Variants in PRLR observed in about 807,000 individuals in gnomAD.
PRLR encodes hPRL receptor.
In PRLR, 13 loss-of-function variants were observed where a neutral mutation model predicts 40.2. The ratio of observed to expected loss-of-function variants is 0.32; its 90% CI spans 0.21 to 0.51. PRLR has a LOEUF of 0.51. Among genes scored for constraint, PRLR ranks in the 20% least tolerant of loss-of-function variants. The pLI is 0.97. For missense variants in PRLR, 656 were observed against 747.3 expected (o/e 0.88, Z 1.42); for synonymous variants, 269 against 278.7 (o/e 0.97, Z 0.35).
rs1775063140 is a variant in PRLR, at chr5:35,173,738, G to A, written c.-105-55616C>T. Among the ~76,000 whole-genome samples, 3 of 152,266 alleles carry A rather than the reference G, an allele frequency of 2.0e-5. 1 individual carries two copies. The South Asian group carries it at 6.2e-4, about 32-fold the overall frequency. On this transcript the variant is annotated intron_variant, in intron 1 of 9. Transcript: ENST00000618457. ...GAAAGACACACTGATGCTTCAGTAAGCAAACTGTGAAATGAATGTGAAAGA... is the reference window on the plus strand; with the variant it reads ...GAAAGACACACTGATGCTTCAGTAAACAAACTGTGAAATGAATGTGAAAGA...
At chr5:35,072,152 C>T (rs1769787785) in intron 6 of PRLR, among the ~76,000 whole-genome samples, 2 of 152,144 alleles carry the variant, frequency 1.3e-5, no homozygotes, top group African/African-American at 4.8e-5. Flanking sequence ...CCTGTCTCGG[C>T]CTCCCAAAGT....
intron 1 of PRLR, among the ~76,000 whole-genome samples, chr5:35,118,464 T>C (rs1316897934): frequency 1.3e-5 from 2 of 152,214 alleles, no homozygotes; most frequent in African/African-American, 2.4e-5. Flanking sequence ...TCATGATGCA[T>C]GTTTACCCCT....
intron 1 of PRLR, among the ~76,000 whole-genome samples, chr5:35,153,669 C>A (rs151215005): frequency 6.6e-6 from 1 of 151,854 alleles, no homozygotes; most frequent in Admixed American, 6.6e-5. Flanking sequence ...TTCTGAGTGT[C>A]GTTTCCCATT....
chr5:35,217,729 T>A (rs1213789760), intron 1 of PRLR, among the ~76,000 whole-genome samples: 1 of 152,222 alleles, frequency 6.6e-6, no homozygotes, highest in Non-Finnish European at 1.5e-5. Context: ...TGCATAAAAA[T>A]AAATAAAAAT....
At chr5:35,174,872 G>A (rs1048762946) in intron 1 of PRLR, among the ~76,000 whole-genome samples, 5 of 152,140 alleles carry the variant, frequency 3.3e-5, no homozygotes, top group Admixed American at 6.5e-5. Context: ...GCTCTACTTG[G>A]ACCAACTCCT....
Position 35,086,244 on chromosome 5 carries a change from A to G in PRLR, c.167T>C (p.Leu56Pro). The change falls in exon 4 of 10, where the codon CTT becomes CCT. Residue 56 changes from leucine to proline, a missense_variant. Around this residue, in one of 3 missense-constraint regions of PRLR, gnomAD observed 180 missense variants for 236.8 expected, o/e 0.76. Transcript: ENST00000618457. ...CWWRPGTDGG[L>P]PTNYSLTYHR... ...GTAAGTCAGTGAATAATTGGTAGGA[A>G]GTCCTCCATCTGTCCCAGGCCTCCA... 6.2e-7 allele frequency: 1 copy of G among 1,614,032 alleles called. No homozygotes were observed. Among genetic ancestry groups the G allele is most frequent in the South Asian group, 1.1e-5 (1 of 91,074 alleles).
At chr5:35,075,253 G>A (rs1039776141) in intron 5 of PRLR, among the ~76,000 whole-genome samples, 2 of 152,184 alleles carry the variant, frequency 1.3e-5, no homozygotes, top group African/African-American at 4.8e-5. Flanking sequence ...GTCTCACCCG[G>A]GAAGTGCAAG....
At chr5:35,093,151 A>G (rs1303564296) in intron 2 of PRLR, among the ~76,000 whole-genome samples, 3 of 152,164 alleles carry the variant, frequency 2.0e-5, no homozygotes, top group African/African-American at 7.2e-5. Context: ...TGTGCTTTTG[A>G]GAAACTAGAG....
At chr5:35,114,605 G>A (rs1772896404) in intron 2 of PRLR, among the ~76,000 whole-genome samples, 1 of 152,202 alleles carries the variant, frequency 6.6e-6, no homozygotes, top group Admixed American at 6.5e-5. Flanking sequence ...ATTGCTCTAA[G>A]TGGGCTCCGG....
rs547332286 is a variant in PRLR, at chr5:35,064,871, A to G, written c.*218T>C. ...CATTGAACACATAGTTTTATAACTAACAGCAAAAAGTAAATCTACAAATCA... is the reference window on the plus strand; with the variant it reads ...CATTGAACACATAGTTTTATAACTAGCAGCAAAAAGTAAATCTACAAATCA... On this transcript the variant is annotated 3_prime_UTR_variant, in exon 10 of 10. Transcript: ENST00000618457. 3 of 578,048 alleles carry G rather than the reference A, an allele frequency of 5.2e-6. No homozygotes were observed. Among genetic ancestry groups the G allele is most frequent in the Non-Finnish European group, 8.9e-6 (3 of 335,904 alleles). The allele number at this position is 578,048 out of a possible 1,614,324, so 35.8% of individuals were successfully genotyped here.
At chr5:35,099,851 A>G (rs1483858438) in intron 2 of PRLR, among the ~76,000 whole-genome samples, 1 of 152,208 alleles carries the variant, frequency 6.6e-6, no homozygotes, top group Non-Finnish European at 1.5e-5. Flanking sequence ...ACAGCTGAAC[A>G]ATGTGTTTGT....
chr5:35,184,344 T>C (rs1435779031), intron 1 of PRLR, among the ~76,000 whole-genome samples: 1 of 152,054 alleles, frequency 6.6e-6, no homozygotes, highest in Non-Finnish European at 1.5e-5. Context: ...TGAAACCCCA[T>C]TTCTACTAAA....
chr5:35,109,264 C>G (rs571678509), intron 2 of PRLR, among the ~76,000 whole-genome samples: 41 of 152,130 alleles, frequency 2.7e-4, no homozygotes, highest in Non-Finnish European at 4.9e-4. Flanking sequence ...CATAAAAACC[C>G]TAGAAGAAAA....
chr5:35,226,093 C>T (rs1018857024), intron 1 of PRLR, among the ~76,000 whole-genome samples: 3 of 152,212 alleles, frequency 2.0e-5, no homozygotes, highest in African/African-American at 7.2e-5. Flanking sequence ...TCAATAGGCA[C>T]ATGTGGCTAG....
chr5:35,164,232 A>C (rs1774757361), intron 1 of PRLR, among the ~76,000 whole-genome samples: 1 of 152,192 alleles, frequency 6.6e-6, no homozygotes, highest in African/African-American at 2.4e-5. Flanking sequence ...TTATACAACC[A>C]ATTAGCTGAT....
At chr5:35,097,554 C>A (rs1771607884) in intron 2 of PRLR, among the ~76,000 whole-genome samples, 1 of 152,094 alleles carries the variant, frequency 6.6e-6, no homozygotes, top group African/African-American at 2.4e-5. Flanking sequence ...CGTGCAATGA[C>A]CCTCCTTCAA....
At chr5:35,135,555 G>A (rs940162005) in intron 1 of PRLR, 1 of 152,484 alleles carries the variant, frequency 6.6e-6, no homozygotes, top group African/African-American at 2.4e-5. Flanking sequence ...TGGTCCCTGA[G>A]TTATTTTTTC....
intron 1 of PRLR, among the ~76,000 whole-genome samples, chr5:35,226,492 T>G (rs1157672756): frequency 1.3e-5 from 2 of 152,238 alleles, no homozygotes; most frequent in Admixed American, 1.3e-4. Flanking sequence ...GGCATTCAAA[T>G]AATAATTCCC....
chr5:35,133,120 A>G (rs1773738033), intron 1 of PRLR, among the ~76,000 whole-genome samples: 2 of 149,868 alleles, frequency 1.3e-5, no homozygotes, highest in Admixed American at 1.3e-4. Context: ...TCTCAGACTT[A>G]TACCAGGCCT....
Sources: allele counts gnomAD v4.1 joint callset (sites outside exome capture counted in the v4.1 genomes callset), GRCh38; gene constraint gnomAD v4.1.1; regional missense constraint gnomAD v4.1.1; transcripts MANE v1.5; gene names NCBI Gene and HGNC (gene_info 2026-07-23, HGNC 2026-07-21).